SCGN: variants seen among roughly 807,000 people sequenced by gnomAD.
SCGN encodes the protein secretagogin, EF-hand calcium binding protein.
In SCGN, 30 loss-of-function variants were observed where a neutral mutation model predicts 39.7. The observed-to-expected ratio is 0.76, with a 90% CI of 0.57 to 1.03. The LOEUF (loss-of-function observed/expected upper bound fraction) is 1.03. SCGN is among the 50% of genes least tolerant of loss of function. The pLI is 0.00. For synonymous variants in SCGN, 106 were observed against 114.1 expected (o/e 0.93, Z 0.45); for missense variants, 353 against 349.4 (o/e 1.01, Z -0.08).
chr6:25,676,774 TCCCC>T (rs1759568136), intron 6 of SCGN, among the ~76,000 whole-genome samples: 1 of 58,854 alleles, frequency 1.7e-5, no homozygotes, highest in Admixed American at 1.8e-4. Flanking sequence ...TTATTTTCCA[TCCCC>T]TCTTCCATCC....
intron 10 of SCGN, among the ~76,000 whole-genome samples, chr6:25,692,912 G>A (rs1408516342): frequency 2.0e-5 from 3 of 152,014 alleles, no homozygotes; most frequent in South Asian, 4.1e-4. Flanking sequence ...AGATGAGGCC[G>A]TGTAAAATGG....
chr6:25,695,925 A>C (rs1024841930), intron 10 of SCGN, among the ~76,000 whole-genome samples: 8 of 152,238 alleles, frequency 5.3e-5, no homozygotes, highest in African/African-American at 1.7e-4. Context: ...ATGGCAAGAA[A>C]TTCCAGATCT....
At chr6:25,676,593 A>T (rs1482528532) in intron 6 of SCGN, among the ~76,000 whole-genome samples, 1 of 152,172 alleles carries the variant, frequency 6.6e-6, no homozygotes, top group Admixed American at 6.5e-5. Flanking sequence ...TCAGGTCTTT[A>T]TGAAAAAGTC....
intron 4 of SCGN, among the ~76,000 whole-genome samples, chr6:25,665,555 A>G (rs1760409624): frequency 6.6e-6 from 1 of 152,200 alleles, no homozygotes. Flanking sequence ...GGCGGTATCA[A>G]TGGCCTCTCT....
intron 2 of SCGN, among the ~76,000 whole-genome samples, chr6:25,660,410 A>G (rs2151377410): frequency 6.6e-6 from 1 of 152,340 alleles, no homozygotes; most frequent in South Asian, 2.1e-4. Flanking sequence ...TAATATCACC[A>G]GGGGCCAGAA....
chr6:25,662,314 A>T (rs1180868867), intron 3 of SCGN, among the ~76,000 whole-genome samples: 2 of 152,230 alleles, frequency 1.3e-5, no homozygotes, highest in African/African-American at 4.8e-5. Flanking sequence ...ATGAAACATT[A>T]TCCCTATTTT....
chr6:25,653,611 C>T (rs538649409), intron 2 of SCGN, among the ~76,000 whole-genome samples, 159 bp downstream of exon 2: 3 of 152,272 alleles, frequency 2.0e-5, no homozygotes, highest in Middle Eastern at 3.4e-3. Flanking sequence ...GGGATTTAGG[C>T]AGTTTTTATA....
At chr6:25,673,224 T>G (rs935412945) in intron 6 of SCGN, among the ~76,000 whole-genome samples, 2 of 152,308 alleles carry the variant, frequency 1.3e-5, no homozygotes, top group South Asian at 2.1e-4. Flanking sequence ...CTTGGAGGGT[T>G]GCATATTGCA....
chr6:25,680,591 G>A (rs1759626123), intron 6 of SCGN, among the ~76,000 whole-genome samples: 1 of 152,146 alleles, frequency 6.6e-6, no homozygotes, highest in African/African-American at 2.4e-5. Context: ...AAGGTGAGTT[G>A]TTACTTGCTT....
At position 25,689,518 on chromosome 6, in the gene SCGN, G is replaced by A. The variant is rs750278127; in HGVS notation, c.619G>A (p.Ala207Thr). 6.2e-7 allele frequency: 1 copy of A among 1,613,808 alleles called. No homozygotes were observed. Among genetic ancestry groups the A allele is most frequent in the Admixed American group, 1.7e-5 (1 of 60,024 alleles). The change falls in exon 9 of 11, where the codon GCC becomes ACC. Residue 207 changes from alanine to threonine, a missense_variant. Ala to Thr is a moderately conservative substitution (Grantham distance 58, BLOSUM62 0). Transcript: ENST00000377961. ...ERKRDFEKIF[A>T]YYDVSKTGAL... ...GAAAAGGGACTTTGAGAAAATCTTT[G>A]CCTACTATGATGTTGTAAGTGTGCG...
At chr6:25,662,364 C>T (rs867320915) in intron 3 of SCGN, among the ~76,000 whole-genome samples, 1 of 152,070 alleles carries the variant, frequency 6.6e-6, no homozygotes, top group African/African-American at 2.4e-5. Flanking sequence ...AATAACATGA[C>T]CAAATAAGTG....
chr6:25,701,288 C>G lies in SCGN; in HGVS notation c.784C>G (p.Gln262Glu). Residue 262 changes from glutamine to glutamate, a missense_variant, in exon 11 of 11, where the codon CAG becomes GAG. Coordinates refer to ENST00000377961, the MANE Select transcript of SCGN (RefSeq NM_006998.4). ...CGACGTGAACAAGGATGGAAAAATT[C>G]AGAAGTCTGAGCTGGCTTTGTGTCT... ...HCDVNKDGKI[Q>E]KSELALCLGL... is the part of the protein sequence containing the mutation. 6.2e-7 allele frequency: 1 copy of G among 1,613,498 alleles called. No homozygotes were observed. The highest frequency in any genetic ancestry group is 1.3e-5 in the African/African-American group (1 of 75,044).
intron 2 of SCGN, among the ~76,000 whole-genome samples, chr6:25,656,332 T>C (rs1760226226): frequency 6.6e-6 from 1 of 152,186 alleles, no homozygotes; most frequent in Non-Finnish European, 1.5e-5. Context: ...CCTCTGATGA[T>C]TAGCGGATCA....
intron 10 of SCGN, among the ~76,000 whole-genome samples, chr6:25,698,568 T>C (rs561113864): frequency 4.6e-5 from 7 of 152,244 alleles, no homozygotes; most frequent in African/African-American, 1.7e-4. Flanking sequence ...CACATTGCAC[T>C]GTACAACAAA....
chr6:25,689,258 T>G, intron 8 of SCGN, 41 bp downstream of exon 8: 1 of 1,443,116 alleles, frequency 6.9e-7, no homozygotes, highest in Non-Finnish European at 9.6e-7. Flanking sequence ...ATGTCATTGC[T>G]GTTTCTCTAC....
Position 25,680,182 on chromosome 6 carries a change from A to C in SCGN, c.472-1769A>C, listed in dbSNP as rs10946790. On this transcript the variant is annotated intron_variant, in intron 6 of 10. Coordinates refer to ENST00000377961, the MANE Select transcript of SCGN (RefSeq NM_006998.4). ...CATTATGTCTCAAACAAATATGCCA[A>C]GCATTCAAAATTCACTAAAGGTTAT... 7.9e-3 allele frequency among the ~76,000 whole-genome samples: 1,199 copies of C among 152,330 alleles called. 20 individuals carry two copies. Among genetic ancestry groups the C allele is most frequent in the African/African-American group, 0.027 (1,142 of 41,572 alleles).
At position 25,669,992 on chromosome 6, in the gene SCGN, G is replaced by A. The variant is rs368980792; in HGVS notation, c.394-7G>A. On this transcript the variant is annotated splice_polypyrimidine_tract_variant and splice_region_variant and intron_variant, in intron 5 of 10. Transcript: ENST00000377961. ...TATAAAGTATGATTCTTCTCTTGGC[G>A]CCACAGAACTTCCTCCGAGACCTCT... is the stretch of plus-strand genomic sequence containing the variant. 1.2e-5 allele frequency: 20 copies of A among 1,611,234 alleles called. No homozygotes were observed. Among genetic ancestry groups the A allele is most frequent in the Middle Eastern group, 1.6e-4 (1 of 6,078 alleles).
chr6:25,669,876 G>C, intron 5 of SCGN, 123 bp from the exon 6 acceptor site: 1 of 858,870 alleles, frequency 1.2e-6, no homozygotes. Flanking sequence ...TTTATTGCTT[G>C]CTAAAAGCAT....
At chr6:25,671,698 C>A (rs1313813772) in intron 6 of SCGN, among the ~76,000 whole-genome samples, 1 of 152,164 alleles carries the variant, frequency 6.6e-6, no homozygotes, top group Non-Finnish European at 1.5e-5. Flanking sequence ...ACAGGAGGGT[C>A]TCTAGGTTCC....
Sources: gnomAD v4.1 joint callset for allele counts (sites outside exome capture counted in the v4.1 genomes callset) on GRCh38, gnomAD v4.1.1 for gene constraint, MANE v1.5 for transcripts, NCBI Gene and HGNC (gene_info 2026-07-23, HGNC 2026-07-21) for gene names.